RBM39: variants seen among roughly 807,000 people sequenced by gnomAD.
The protein encoded by RBM39 is RNA binding motif protein 39, also known as RNA-binding protein 39.
Under a neutral mutation model 79.6 loss-of-function variants are expected in RBM39, and 12 were observed. That is an observed-to-expected ratio of 0.15 (90% CI 0.10 to 0.24). The LOEUF is 0.24. RBM39 is among the 10% of genes least tolerant of loss of function. The probability of loss-of-function intolerance (pLI) is 1.00; values close to 1 mark genes in which losing one functional copy is unlikely to be tolerated. For missense variants in RBM39, 243 were observed against 653.4 expected (o/e 0.37, Z 6.85); for synonymous variants, 185 against 208.4 (o/e 0.89, Z 0.97).
At chr20:35,732,336 T>C in intron 3 of RBM39, 1 of 584,506 alleles carries the variant, frequency 1.7e-6, no homozygotes, top group Non-Finnish European at 3.0e-6. Context: ...GGCAGGCAGA[T>C]CACAAGGTCA....
chr20:35,718,032 TG>T (rs965401775), intron 9 of RBM39, among the ~76,000 whole-genome samples: 6 of 152,058 alleles, frequency 3.9e-5, no homozygotes, highest in African/African-American at 7.2e-5. Context: ...CTAAATTTTT[TG>T]TATTTTTAGT....
chr20:35,707,629 G>T (rs1056916744), intron 13 of RBM39: 1 of 184,082 alleles, frequency 5.4e-6, no homozygotes, highest in Non-Finnish European at 1.2e-5. Flanking sequence ...TTCTGCCCAC[G>T]AAGTTTTTTA....
chr20:35,738,941 T>TC (rs2040258947), intron 3 of RBM39, 27 bp downstream of exon 3: 1 of 1,592,916 alleles, frequency 6.3e-7, no homozygotes, highest in Non-Finnish European at 8.6e-7. Flanking sequence ...CTCACCACCC[T>TC]CCCCCAAGCC....
At chr20:35,712,914 C>T in intron 12 of RBM39, 105 bp downstream of exon 12, 1 of 844,008 alleles carries the variant, frequency 1.2e-6, no homozygotes, top group South Asian at 1.8e-5. Flanking sequence ...GCTATAAGTA[C>T]TTGATGAATT....
intron 1 of RBM39, 21 bp from the exon 2 acceptor site, chr20:35,740,908 T>C (rs2146765361): frequency 6.4e-7 from 1 of 1,553,268 alleles, no homozygotes; most frequent in Non-Finnish European, 8.8e-7. Flanking sequence ...AACAAGACAA[T>C]TTCTTGAGTA....
chr20:35,714,481 T>A, intron 10 of RBM39, 92 bp from the exon 11 acceptor site: 4 of 1,408,810 alleles, frequency 2.8e-6, no homozygotes, highest in Non-Finnish European at 3.7e-6. Context: ...TTTAGCATAT[T>A]CAATAATTAC....
chr20:35,737,030 G>A (rs569828385), intron 3 of RBM39, among the ~76,000 whole-genome samples: 26 of 149,912 alleles, frequency 1.7e-4, no homozygotes, highest in Non-Finnish European at 1.8e-4. Flanking sequence ...AAGCCAAGGC[G>A]GGCGGATCAT....
Position 35,704,713 on chromosome 20 carries a change from C to T in RBM39, c.1447G>A (p.Ala483Thr). Residue 483 changes from alanine to threonine, a missense_variant, in exon 16 of 17, where the codon GCA becomes ACA. Physicochemically the swap from Ala to Thr is moderately conservative, Grantham distance 58. Coordinates refer to ENST00000253363, the MANE Select transcript of RBM39 (RefSeq NM_184234.3). ...NVYVKCPSIAAAIAAVNALHG... is the reference protein window; with the variant it reads ...NVYVKCPSIATAIAAVNALHG... The stretch of plus-strand genomic sequence containing the variant: ...AATGCATTGACAGCAGCAATAGCTG[C>T]AGCAATTGATGGGCACTTCACATAC... 1.2e-6 allele frequency: 2 copies of T among 1,613,986 alleles called. No homozygotes were observed. The highest frequency in any genetic ancestry group is 1.7e-6 in the Non-Finnish European group (2 of 1,180,006).
chr20:35,707,723 A>ACAAT, intron 13 of RBM39: 1 of 245,072 alleles, frequency 4.1e-6, no homozygotes, highest in Non-Finnish European at 8.3e-6. Context: ...AATCCTATTA[A>ACAAT]CAATCCTATT....
intron 12 of RBM39, chr20:35,710,661 G>A (rs1199487892): frequency 6.6e-6 from 1 of 152,232 alleles, no homozygotes. Flanking sequence ...AAAAGACTTA[G>A]GGGACAAGCA....
At chr20:35,720,159 A>G (rs2037724313) in intron 9 of RBM39, 1 of 154,836 alleles carries the variant, frequency 6.5e-6, no homozygotes, top group Non-Finnish European at 1.5e-5. Context: ...CTTTTGCTAA[A>G]ATTATTGAGT....
At chr20:35,724,886 A>T in intron 7 of RBM39, 152 bp downstream of exon 7, 1 of 1,022,324 alleles carries the variant, frequency 9.8e-7, no homozygotes, top group Non-Finnish European at 1.4e-6. Flanking sequence ...ACAAATTTGT[A>T]GTAACATTTA....
intron 12 of RBM39, among the ~76,000 whole-genome samples, chr20:35,710,985 C>T (rs1217553770): frequency 3.3e-5 from 5 of 152,090 alleles, no homozygotes; most frequent in African/African-American, 1.2e-4. Context: ...ATATACTACA[C>T]GATGAGAAAG....
chr20:35,733,229 G>C (rs984500204), intron 3 of RBM39, among the ~76,000 whole-genome samples: 6 of 151,732 alleles, frequency 4.0e-5, no homozygotes, highest in African/African-American at 1.5e-4. Flanking sequence ...CTTGAACCCG[G>C]GAGGTGGAGG....
chr20:35,723,031 T>C (rs2038183861), intron 8 of RBM39, among the ~76,000 whole-genome samples: 1 of 152,058 alleles, frequency 6.6e-6, no homozygotes, highest in Non-Finnish European at 1.5e-5. Flanking sequence ...TGCATTCTGA[T>C]ACCACAAATA....
At position 35,729,206 on chromosome 20, in the gene RBM39, A is replaced by C. The variant is rs1428313269; in HGVS notation, c.416+106T>G. On this transcript the variant is annotated intron_variant, in intron 6 of 16. Coordinates refer to ENST00000253363, the MANE Select transcript of RBM39 (RefSeq NM_184234.3). ...AGTACTGGAAGTGCAAAAGAAAGCA[A>C]AAGCAAGATTTAATATGGTCCAAAT... The C allele has an allele frequency of 3.9e-6, 4 of 1,023,302 alleles. No homozygotes were observed. In the South Asian group the frequency reaches 8.5e-5, roughly 22 times the overall value. The allele number at this position is 1,023,302 out of a possible 1,614,324, so 63.4% of individuals were successfully genotyped here. A position where few individuals can be genotyped will look rare whatever the true frequency, so the allele number is the denominator to read the frequency against.
At chr20:35,732,326 GGCAGGCAGATC>G in intron 3 of RBM39, 191 bp from the exon 4 acceptor site, 1 of 600,270 alleles carries the variant, frequency 1.7e-6, no homozygotes, top group Non-Finnish European at 2.9e-6. Flanking sequence ...GGTAGGCCGA[GGCAGGCAGATC>G]ACAAGGTCAG....
chr20:35,735,534 G>T (rs1288268881), intron 3 of RBM39, among the ~76,000 whole-genome samples: 1 of 152,210 alleles, frequency 6.6e-6, no homozygotes, highest in African/African-American at 2.4e-5. Context: ...TTAAGACAAT[G>T]AAGTTTTAGA....
chr20:35,705,183 G>A (rs764462167), intron 15 of RBM39, 42 bp downstream of exon 15: 68 of 1,183,360 alleles, frequency 5.7e-5, no homozygotes, highest in Non-Finnish European at 7.7e-5. Flanking sequence ...TTAAGGTAGA[G>A]ACGAACAACC....
Sources: allele counts gnomAD v4.1 joint callset (sites outside exome capture counted in the v4.1 genomes callset), GRCh38; gene constraint gnomAD v4.1.1; transcripts MANE v1.5; gene names NCBI Gene and HGNC (gene_info 2026-07-23, HGNC 2026-07-21).